GRM8: variants seen among roughly 807,000 people sequenced by gnomAD.
GRM8 encodes metabotropic glutamate receptor 8.
A neutral mutation model predicts 87.2 loss-of-function variants in GRM8; 47 were observed. The ratio of observed to expected loss-of-function variants is 0.54; its 90% CI spans 0.43 to 0.69. GRM8 has a LOEUF of 0.69. Among genes scored for constraint, GRM8 ranks in the 30% least tolerant of loss-of-function variants. The probability of loss-of-function intolerance (pLI) is 0.00; values close to 1 mark genes in which losing one functional copy is unlikely to be tolerated. For synonymous variants in GRM8, 396 were observed against 404.5 expected, an observed-to-expected ratio of 0.98 and a Z score of 0.25; for missense variants, 1,019 against 1,139.2, an observed-to-expected ratio of 0.89 and a Z score of 1.52.
At chr7:126,620,416 C>A (rs1384834864) in intron 7 of GRM8, among the ~76,000 whole-genome samples, 1 of 152,024 alleles carries the variant, frequency 6.6e-6, no homozygotes, top group Non-Finnish European at 1.5e-5. Context: ...ATTTTCTGTT[C>A]AATAAGAAAT....
intron 3 of GRM8, among the ~76,000 whole-genome samples, chr7:127,019,513 A>T (rs1013460549): frequency 6.6e-6 from 1 of 152,240 alleles, no homozygotes; most frequent in South Asian, 2.1e-4. Context: ...CTTTTTAATT[A>T]TAAAGCATAA....
At chr7:126,529,711 C>T (rs895454483) in intron 9 of GRM8, among the ~76,000 whole-genome samples, 1 of 152,086 alleles carries the variant, frequency 6.6e-6, no homozygotes, top group African/African-American at 2.4e-5. Context: ...ATTTTATGAG[C>T]CCAATTAAGG....
rs763074427 is a variant in GRM8, at chr7:126,685,594, C to G, written c.1358-76096G>C. 1.8e-4 allele frequency among the ~76,000 whole-genome samples: 27 copies of G among 152,132 alleles called. No individual in the cohort carries two copies. The highest frequency in any genetic ancestry group is 3.8e-4 in the Non-Finnish European group (26 of 68,006). On this transcript the variant is annotated intron_variant, in intron 7 of 10. Transcript: ENST00000339582. The surrounding 1 kb of genome is among the most constrained non-coding windows in gnomAD (Gnocchi z 4.2). ...TCTTGGAGTAAGGTTGGGGCCAAGC[C>G]TGAGCACTGTTGCAGTTTGGCCAGG...
intron 6 of GRM8, among the ~76,000 whole-genome samples, chr7:126,780,834 T>A (rs892603507): frequency 6.6e-6 from 1 of 152,130 alleles, no homozygotes; most frequent in African/African-American, 2.4e-5. Flanking sequence ...TAACCAGATT[T>A]CCAGTTCTAA....
At chr7:126,653,300 C>CAAAAAAAAAAA (rs35546815) in intron 7 of GRM8, among the ~76,000 whole-genome samples, 2 of 109,052 alleles carry the variant, frequency 1.8e-5, no homozygotes, top group Admixed American at 1.0e-4. Context: ...ATCCTGTCTC[C>CAAAAAAAAAAA]AAAAAAAAAA....
At chr7:127,029,342 A>G (rs574008885) in intron 3 of GRM8, among the ~76,000 whole-genome samples, 1 of 152,300 alleles carries the variant, frequency 6.6e-6, no homozygotes, top group African/African-American at 2.4e-5. Flanking sequence ...GTAGATGTCT[A>G]TTAGGTCTGC....
rs150821322 is a variant in GRM8, at chr7:127,149,715, G to C, written c.511-43003C>G. Among the ~76,000 whole-genome samples the C allele has an allele frequency of 4.9e-4, 74 of 152,050 alleles. No homozygotes were observed. In the East Asian group the frequency reaches 0.011, roughly 23 times the overall value. On this transcript the variant is annotated intron_variant, in intron 2 of 10. Transcript: ENST00000339582. ...AGAAACCGTGGTACAAATATACAAT[G>C]GAATATTGTTCAGTCTTAAAAAGAA...
At chr7:126,752,922 G>T (rs1365994746) in intron 7 of GRM8, among the ~76,000 whole-genome samples, 1 of 152,048 alleles carries the variant, frequency 6.6e-6, no homozygotes. Flanking sequence ...GTAGTTGCTT[G>T]TTAAGTATAT....
chr7:127,248,240 G>C (rs535977950), intron 1 of GRM8, among the ~76,000 whole-genome samples: 2 of 152,326 alleles, frequency 1.3e-5, no homozygotes, highest in East Asian at 3.9e-4. Context: ...CAGTGTGCCT[G>C]GAGCTGCAGA....
At chr7:126,842,044 T>C (rs537897720) in intron 6 of GRM8, among the ~76,000 whole-genome samples, 1 of 151,768 alleles carries the variant, frequency 6.6e-6, no homozygotes, top group East Asian at 1.9e-4. Flanking sequence ...GATCAATAAA[T>C]TGTTAAACCA....
intron 2 of GRM8, among the ~76,000 whole-genome samples, chr7:127,171,669 T>C (rs1793809002): frequency 6.6e-6 from 1 of 152,242 alleles, no homozygotes; most frequent in Non-Finnish European, 1.5e-5. Flanking sequence ...CCATTGCACA[T>C]TTAATAGACT....
At chr7:127,084,366 A>G (rs1313421738) in intron 3 of GRM8, 1 of 152,248 alleles carries the variant, frequency 6.6e-6, no homozygotes, top group East Asian at 1.9e-4. Context: ...TAAGAAAATA[A>G]GTAAAAATGT....
At chr7:126,826,850 G>A (rs1028258617) in intron 6 of GRM8, among the ~76,000 whole-genome samples, 2 of 152,100 alleles carry the variant, frequency 1.3e-5, no homozygotes, top group African/African-American at 4.8e-5. Flanking sequence ...ATGGTTTTAG[G>A]TCTAATGTTT....
intron 9 of GRM8, among the ~76,000 whole-genome samples, chr7:126,514,135 T>C (rs1242930466): frequency 6.6e-6 from 1 of 152,146 alleles, no homozygotes; most frequent in African/African-American, 2.4e-5. Context: ...CCAGTGCCTA[T>C]GGAGATGAGC....
rs192236385 is a variant in GRM8 at position 126,967,255 on chromosome 7, G to T, written c.728-62572C>A. Among the ~76,000 whole-genome samples, 5 of 152,268 alleles carry T rather than the reference G, an allele frequency of 3.3e-5. No individual in the cohort carries two copies. The East Asian group carries it at 9.7e-4, about 29-fold the overall frequency. ...TCAAATACATGGTTAGACCAGGAAA[G>T]ATTTGAATACACTTATAAACTTGAC... On this transcript the variant is annotated intron_variant, in intron 3 of 10. Coordinates refer to ENST00000339582, the MANE Select transcript of GRM8 (RefSeq NM_000845.3).
intron 2 of GRM8, chr7:127,228,958 A>G (rs1471376074): frequency 6.6e-6 from 1 of 152,222 alleles, no homozygotes; most frequent in Non-Finnish European, 1.5e-5. Flanking sequence ...TTTAAACATC[A>G]TAACATTTTT....
intron 7 of GRM8, among the ~76,000 whole-genome samples, chr7:126,684,895 G>A (rs993319853): frequency 1.3e-5 from 2 of 152,210 alleles, no homozygotes; most frequent in African/African-American, 4.8e-5. Flanking sequence ...TCAGAGGCAA[G>A]CAATGCACTA....
At chr7:126,926,059 A>G (rs1475519715) in intron 3 of GRM8, among the ~76,000 whole-genome samples, 3 of 152,130 alleles carry the variant, frequency 2.0e-5, no homozygotes, top group Admixed American at 2.0e-4. Flanking sequence ...ATATATGATT[A>G]TATAGCAGAC....
At chr7:127,015,152 A>AAGAAGGAAGAAGGAGAAGGAGAAGG (rs1563414030) in intron 3 of GRM8, among the ~76,000 whole-genome samples, 17 of 70,016 alleles carry the variant, frequency 2.4e-4, no homozygotes, top group African/African-American at 1.2e-3. Context: ...AGGAAGAAGG[A>AAGAAGGAAGAAGGAGAAGGAGAAGG]AGAAGGAGAA....
Sources: allele counts gnomAD v4.1 joint callset (sites outside exome capture counted in the v4.1 genomes callset), GRCh38; gene constraint gnomAD v4.1.1; non-coding constraint Gnocchi (gnomAD v3.1); transcripts MANE v1.5; gene names NCBI Gene and HGNC (gene_info 2026-07-23, HGNC 2026-07-21).